Variants in FMN1 observed in about 807,000 individuals in gnomAD.
FMN1 encodes formin 1.
FMN1 carries 110 observed loss-of-function variants against 132.4 expected under a neutral mutation model. That is an observed-to-expected ratio of 0.83 (90% confidence interval 0.71 to 0.97). FMN1 has a LOEUF of 0.97. FMN1 is among the 50% of genes least tolerant of loss of function. FMN1 has a pLI of 0.00. For synonymous variants in FMN1, 722 were observed against 651.7 expected (o/e 1.11, Z -1.64); for missense variants, 1,792 against 1,705.3 (o/e 1.05, Z -0.90).
chr15:33,016,566 G>A (rs148336224), intron 6 of FMN1, among the ~76,000 whole-genome samples: 468 of 152,304 alleles, frequency 3.1e-3, no homozygotes, highest in African/African-American at 0.011. Flanking sequence ...TAAAGAGAAA[G>A]TAGTCAACAG....
intron 12 of FMN1, among the ~76,000 whole-genome samples, chr15:32,906,314 T>G (rs1280218369): frequency 6.6e-6 from 1 of 152,190 alleles, no homozygotes; most frequent in Non-Finnish European, 1.5e-5. Context: ...CGTTTCTAAA[T>G]TGTTGAAAAA....
intron 9 of FMN1, among the ~76,000 whole-genome samples, chr15:32,954,004 C>T (rs1410274298): frequency 1.3e-5 from 2 of 152,160 alleles, no homozygotes; most frequent in Non-Finnish European, 2.9e-5. Flanking sequence ...AGCATATTTG[C>T]AAATTTTCAC....
At chr15:32,806,456 T>C (rs1419720095) in intron 17 of FMN1, among the ~76,000 whole-genome samples, 1 of 152,274 alleles carries the variant, frequency 6.6e-6, no homozygotes, top group African/African-American at 2.4e-5. Flanking sequence ...ATATAGGCCA[T>C]GGCAGGTATT....
chr15:33,070,902 C>A (rs975660804), intron 5 of FMN1, among the ~76,000 whole-genome samples: 4 of 152,124 alleles, frequency 2.6e-5, no homozygotes, highest in Admixed American at 2.0e-4. Context: ...AACCGAGGCA[C>A]AGAAGATTAA....
At chr15:33,177,133 C>T (rs879391583) in intron 3 of FMN1, among the ~76,000 whole-genome samples, 1 of 152,210 alleles carries the variant, frequency 6.6e-6, no homozygotes, top group Non-Finnish European at 1.5e-5. Flanking sequence ...AGCTGAGGCA[C>T]AGGAGGGTAA....
intron 4 of FMN1, among the ~76,000 whole-genome samples, chr15:33,115,810 C>T (rs2039901309): frequency 6.6e-6 from 1 of 152,140 alleles, no homozygotes; most frequent in Non-Finnish European, 1.5e-5. Flanking sequence ...CACCTTATGG[C>T]TTGACTCTTA....
chr15:33,004,392 C>G (rs1454050193), intron 7 of FMN1, among the ~76,000 whole-genome samples: 1 of 152,188 alleles, frequency 6.6e-6, no homozygotes, highest in East Asian at 1.9e-4. Context: ...TATGAACAGA[C>G]ACTTCTCAAA....
chr15:32,989,879 CTTTTAG>C (rs1468328982), intron 7 of FMN1, among the ~76,000 whole-genome samples: 2 of 152,012 alleles, frequency 1.3e-5, no homozygotes, highest in East Asian at 3.9e-4. Flanking sequence ...TTGGCCTAGA[CTTTTAG>C]TTTTAGGAGA....
chr15:33,186,759 A>G (rs1270575522), intron 2 of FMN1, among the ~76,000 whole-genome samples: 1 of 152,222 alleles, frequency 6.6e-6, no homozygotes, highest in African/African-American at 2.4e-5. Context: ...AATCTCATGA[A>G]ATTCATGGGC....
chr15:33,008,105 A>C (rs1439219071), intron 6 of FMN1, 30 bp from the exon 7 acceptor site: 13 of 1,546,166 alleles, frequency 8.4e-6, no homozygotes, highest in African/African-American at 1.4e-5. Context: ...GCCAATTATA[A>C]AGAAGTACAA....
intron 17 of FMN1, among the ~76,000 whole-genome samples, chr15:32,845,376 A>G (rs2058832545): frequency 6.6e-6 from 1 of 152,146 alleles, no homozygotes; most frequent in Non-Finnish European, 1.5e-5. Context: ...GTAAAAGAGG[A>G]CCTCTATTAA....
At chr15:32,843,950 T>C (rs2058800740) in intron 17 of FMN1, among the ~76,000 whole-genome samples, 1 of 152,190 alleles carries the variant, frequency 6.6e-6, no homozygotes, top group Non-Finnish European at 1.5e-5. Flanking sequence ...TCTACTCAAA[T>C]ACACATTTTT....
chr15:33,065,057 A>AGTCAGGCTGTG lies in FMN1; in HGVS notation c.2050_2060dup (p.Glu688ThrfsTer3). On this transcript the variant is annotated stop_gained and frameshift_variant, in exon 6 of 21. Coordinates refer to ENST00000616417, the MANE Select transcript of FMN1 (RefSeq NM_001277313.2). LOFTEE classifies it high-confidence loss of function. ...TGCCAGGAGTCCTGTCATCCTGCTC[A>AGTCAGGCTGTG]GTCAGGCTGTGGTCAGGCTGTTGAA... is the stretch of plus-strand genomic sequence containing the variant. 2 of 1,610,226 alleles carry AGTCAGGCTGTG rather than the reference A, an allele frequency of 1.2e-6. No homozygotes were observed. The highest frequency in any genetic ancestry group is 1.7e-6 in the Non-Finnish European group (2 of 1,178,144).
At chr15:32,829,886 C>T (rs1567234664) in intron 17 of FMN1, among the ~76,000 whole-genome samples, 1 of 152,114 alleles carries the variant, frequency 6.6e-6, no homozygotes, top group Non-Finnish European at 1.5e-5. Context: ...GACAAATACC[C>T]ACACAGAAAT....
At position 33,066,569 on chromosome 15, in the gene FMN1, C is replaced by CT. The variant is rs751189925; in HGVS notation, c.2044-1496dup. The stretch of plus-strand genomic sequence containing the variant: ...AGAATTGGACCGTTCAAACACAGCT[C>CT]TTAGCGACTCCTTCTCATGTCTCAT... On this transcript the variant is annotated intron_variant, in intron 5 of 20. Transcript: ENST00000616417. The CT allele has an allele frequency of 4.3e-6, 7 of 1,611,394 alleles. 1 individual carries two copies. In the East Asian group the frequency reaches 1.6e-4, roughly 36 times the overall value.
intron 2 of FMN1, among the ~76,000 whole-genome samples, chr15:33,193,420 T>C (rs1004417430): frequency 6.6e-6 from 1 of 152,132 alleles, no homozygotes; most frequent in Non-Finnish European, 1.5e-5. Context: ...GGAATTTAGA[T>C]GCGCCCCTCC....
At chr15:33,099,088 GA>G (rs2039194348) in intron 4 of FMN1, among the ~76,000 whole-genome samples, 1 of 152,044 alleles carries the variant, frequency 6.6e-6, no homozygotes, top group South Asian at 2.1e-4. Flanking sequence ...GCAACATGGT[GA>G]AACCCCATCT....
At chr15:32,862,566 G>T (rs770374950) in intron 16 of FMN1, among the ~76,000 whole-genome samples, 1 of 152,162 alleles carries the variant, frequency 6.6e-6, no homozygotes, top group African/African-American at 2.4e-5. Context: ...ATATTAGGCT[G>T]TTAAGGTCAG....
intron 9 of FMN1, among the ~76,000 whole-genome samples, chr15:32,938,522 T>C (rs2061331387): frequency 6.6e-6 from 1 of 152,098 alleles, no homozygotes; most frequent in African/African-American, 2.4e-5. Flanking sequence ...GAGCAAAGAC[T>C]CTGTCTGAAG....
Sources: gnomAD v4.1 joint callset for allele counts (sites outside exome capture counted in the v4.1 genomes callset) on GRCh38, gnomAD v4.1.1 for gene constraint, MANE v1.5 for transcripts, NCBI Gene and HGNC (gene_info 2026-07-23, HGNC 2026-07-21) for gene names.